LDLRAD2: variants seen among roughly 807,000 people sequenced by gnomAD.
LDLRAD2 encodes the protein low density lipoprotein receptor class A domain containing 2.
A neutral mutation model predicts 24.9 loss-of-function variants in LDLRAD2; 25 were observed. That is an observed-to-expected ratio of 1.00 (90% CI 0.73 to 1.40). The LOEUF is 1.40. Ranked by LOEUF, LDLRAD2 falls within the 40% of genes most tolerant of loss-of-function variation. The pLI, the probability that LDLRAD2 is intolerant of heterozygous loss-of-function variation, is 0.00. For missense variants in LDLRAD2, 391 were observed against 366.2 expected (o/e 1.07, Z -0.55); for synonymous variants, 182 against 166.7 (o/e 1.09, Z -0.71).
Position 21,823,626 on chromosome 1 carries a change from G to A in LDLRAD2, c.*1411G>A, listed in dbSNP as rs199592703. ...GAGCCCCAGACTTACCGATGTAGAC[G>A]CTGCCCTTGGCGTTGACTGCCACGT... is the stretch of plus-strand genomic sequence containing the variant. On this transcript the variant is annotated 3_prime_UTR_variant, in exon 5 of 5. Coordinates refer to ENST00000344642, the MANE Select transcript of LDLRAD2 (RefSeq NM_001013693.3). The A allele has an allele frequency of 6.7e-5, 108 of 1,613,444 alleles. No homozygotes were observed. Among genetic ancestry groups the A allele is most frequent in the Middle Eastern group, 1.6e-4 (1 of 6,084 alleles).
chr1:21,823,568 AG>A lies in LDLRAD2; in HGVS notation c.*1356del, dbSNP rs778048637. 6.2e-7 allele frequency: 1 copy of A among 1,609,768 alleles called. No homozygotes were observed. Among genetic ancestry groups the A allele is most frequent in the East Asian group, 2.2e-5 (1 of 44,854 alleles). On this transcript the variant is annotated 3_prime_UTR_variant, in exon 5 of 5. Transcript: ENST00000344642. ...GAAGGCTGGGCGAGCTCTAGCCCTA[AG>A]GGAGTGCCGTTCCTGCCCCTGCCCT... is the stretch of plus-strand genomic sequence containing the variant.
In LDLRAD2 at chr1:21,816,075, G is replaced by A. The variant is rs1251473466; in HGVS notation, c.643+1G>A. The A allele has an allele frequency of 5.6e-6, 9 of 1,612,580 alleles. No individual in the cohort carries two copies. The highest frequency in any genetic ancestry group is 7.6e-6 in the Non-Finnish European group (9 of 1,179,856). ...TCCTGGTCACCAGCTGACTGCAGAG[G>A]TCAGTGCGGGGTGTGGACTGGGCCC... is the stretch of plus-strand genomic sequence containing the variant. On this transcript the variant is annotated splice_donor_variant, in intron 3 of 4. Transcript: ENST00000344642. LOFTEE classifies it high-confidence loss of function.
rs151237224 is a variant in LDLRAD2, at chr1:21,823,466, C to T, written c.*1251C>T. On this transcript the variant is annotated 3_prime_UTR_variant, in exon 5 of 5. Transcript: ENST00000344642. ...CTGAGGAGAATCTGCCCCCGGTCAG[C>T]GTGGCCACGTCAGGGGCTCCGCCTG... The T allele has an allele frequency of 3.8e-5, 61 of 1,597,670 alleles. No homozygotes were observed. Among genetic ancestry groups the T allele is most frequent in the South Asian group, 3.3e-5 (3 of 90,074 alleles).
In LDLRAD2 at chr1:21,814,660, C is replaced by T; in HGVS notation, c.348C>T (p.Tyr116=). The change falls in exon 2 of 5, where the codon TAC becomes TAT. Residue 116 remains tyrosine (Y), a synonymous_variant. Coordinates refer to ENST00000344642, the MANE Select transcript of LDLRAD2 (RefSeq NM_001013693.3). ...CCCCCGGCTCCTACCTGCAGTTCTACGAGGGCCCGCCGGGGGCGCCCCGGC... is the reference window on the plus strand; with the variant it reads ...CCCCCGGCTCCTACCTGCAGTTCTATGAGGGCCCGCCGGGGGCGCCCCGGC... The part of the protein sequence containing the change: ...PCAPGSYLQF[Y]EGPPGAPRPL... 2 of 1,594,540 alleles carry T rather than the reference C, an allele frequency of 1.3e-6. No individual in the cohort carries two copies. Among genetic ancestry groups the T allele is most frequent in the South Asian group, 1.1e-5 (1 of 89,582 alleles).
chr1:21,813,422 C>A (rs2097940529), intron 1 of LDLRAD2, among the ~76,000 whole-genome samples: 1 of 152,212 alleles, frequency 6.6e-6, no homozygotes. Context: ...GCTCCCACAT[C>A]CTGAGCTCTG....
Position 21,814,507 on chromosome 1 carries a change from G to A in LDLRAD2, c.195G>A (p.Gly65=), listed in dbSNP as rs2097941718. 2 of 1,612,528 alleles carry A rather than the reference G, an allele frequency of 1.2e-6. No homozygotes were observed. The highest frequency in any genetic ancestry group is 1.7e-6 in the Non-Finnish European group (2 of 1,179,752). ...TCGTGGCTCCGGACACCGACTGCGG[G>A]CTCTGGGTGCAGGCGGCAGCCCCCG... ...FYFVAPDTDC[G]LWVQAAAPGD... The change falls in exon 2 of 5, where the codon GGG becomes GGA. Residue 65 remains glycine, a synonymous_variant. Transcript: ENST00000344642.
chr1:21,819,390 A>G (rs1383080400), intron 3 of LDLRAD2, among the ~76,000 whole-genome samples: 1 of 152,002 alleles, frequency 6.6e-6, no homozygotes, highest in Non-Finnish European at 1.5e-5. Context: ...AGTTATTATT[A>G]GTAACTTATT....
At chr1:21,816,687 T>G (rs2097944313) in intron 3 of LDLRAD2, among the ~76,000 whole-genome samples, 1 of 151,978 alleles carries the variant, frequency 6.6e-6, no homozygotes, top group South Asian at 2.1e-4. Context: ...GGGATGGAGG[T>G]AGGGCTGCCA....
intron 3 of LDLRAD2, among the ~76,000 whole-genome samples, chr1:21,817,172 C>T (rs12184330): frequency 0.17 from 25,551 of 152,078 alleles, 2,910 homozygotes; most frequent in East Asian, 0.4. Flanking sequence ...GACTCTGACC[C>T]TTCTCACACC....
rs750846243 is a variant in LDLRAD2, at chr1:21,824,528, C to T, written c.*2313C>T. 2 of 1,613,130 alleles carry T rather than the reference C, an allele frequency of 1.2e-6. No homozygotes were observed. Among genetic ancestry groups the T allele is most frequent in the South Asian group, 2.2e-5 (2 of 91,056 alleles). ...AGCCCCAAGAGCCCAGCCGGATACC[C>T]ACACTCACCACACCCTGCCAGAGCA... is the stretch of plus-strand genomic sequence containing the variant. On this transcript the variant is annotated 3_prime_UTR_variant, in exon 5 of 5. Transcript: ENST00000344642. The surrounding 1 kb of genome is among the most constrained non-coding windows in gnomAD (Gnocchi z 5.9).
chr1:21,816,006 AC>A lies in LDLRAD2; in HGVS notation c.579del (p.Trp194GlyfsTer41). 3.1e-6 allele frequency: 5 copies of A among 1,613,744 alleles called. No individual in the cohort carries two copies. The highest frequency in any genetic ancestry group is 4.2e-6 in the Non-Finnish European group (5 of 1,179,958). On this transcript the variant is annotated frameshift_variant, in exon 3 of 5. Transcript: ENST00000344642. LOFTEE classifies it high-confidence loss of function. Reference sequence around the variant, plus strand: ...TGCATCCCCTCAAGCCTCGTGTGTGACCCCTGGGGCATGGACAACTGTGGCG... The same window carrying A: ...TGCATCCCCTCAAGCCTCGTGTGTGACCCTGGGGCATGGACAACTGTGGCG... ...GRCIPSSLVC[D>X]PWGMDNCGDG...
In LDLRAD2 at chr1:21,823,894, T is replaced by C; in HGVS notation, c.*1679T>C. 2 of 728,606 alleles carry C rather than the reference T, an allele frequency of 2.7e-6. No homozygotes were observed. The highest frequency in any genetic ancestry group is 3.7e-4 in the Middle Eastern group (1 of 2,688). The allele number at this position is 728,606 out of a possible 1,614,324, so 45.1% of individuals were successfully genotyped here. A position where few individuals can be genotyped will look rare whatever the true frequency, so the allele number is the denominator to read the frequency against. On this transcript the variant is annotated 3_prime_UTR_variant, in exon 5 of 5. Coordinates refer to ENST00000344642, the MANE Select transcript of LDLRAD2 (RefSeq NM_001013693.3). Reference sequence around the variant, plus strand: ...ATCGGGCCCCACAAACACAGCTTCCTCATTTCTGCACCCAGGTTTCCTCCC... The same window carrying C: ...ATCGGGCCCCACAAACACAGCTTCCCCATTTCTGCACCCAGGTTTCCTCCC...
At chr1:21,813,807 C>A (rs1326560048) in intron 1 of LDLRAD2, among the ~76,000 whole-genome samples, 19 of 152,108 alleles carry the variant, frequency 1.2e-4, no homozygotes, top group Admixed American at 1.2e-3. Context: ...ATCCCATCCT[C>A]ATCCTCAGTC....
rs2097962168 is a variant in LDLRAD2, at chr1:21,824,292, G to A, written c.*2077G>A. 1 of 1,613,716 alleles carries A rather than the reference G, an allele frequency of 6.2e-7. No individual in the cohort carries two copies. The highest frequency in any genetic ancestry group is 1.7e-5 in the Admixed American group (1 of 60,010). ...CCAGGGAAGGGAGAGGAAGGGCCAG[G>A]TGCCAGGACCTACCTGAAGACAAGG... On this transcript the variant is annotated 3_prime_UTR_variant, in exon 5 of 5. Transcript: ENST00000344642. This position sits in a 1 kb window ranked among gnomAD's most constrained non-coding sequence, Gnocchi z 5.9.
chr1:21,812,432 C>G lies in LDLRAD2; in HGVS notation c.-20C>G. 1 of 1,608,586 alleles carries G rather than the reference C, an allele frequency of 6.2e-7. No homozygotes were observed. Among genetic ancestry groups the G allele is most frequent in the Non-Finnish European group, 8.5e-7 (1 of 1,175,178 alleles). ...AAGATTCTGTGGGTCTGCCCCATTGCTGGGCACAGCAGAGCCTGGATGGAG... is the reference window on the plus strand; with the variant it reads ...AAGATTCTGTGGGTCTGCCCCATTGGTGGGCACAGCAGAGCCTGGATGGAG... On this transcript the variant is annotated 5_prime_UTR_variant, in exon 1 of 5. Transcript: ENST00000344642.
Position 21,823,535 on chromosome 1 carries a change from GA to G in LDLRAD2, c.*1321del. On this transcript the variant is annotated 3_prime_UTR_variant, in exon 5 of 5. Transcript: ENST00000344642. Reference sequence around the variant, plus strand: ...GGGCCTGTGGGCTCCAGCAGCCCAGGAGGCGAGGAAGGCTGGGCGAGCTCTA... The same window carrying G: ...GGGCCTGTGGGCTCCAGCAGCCCAGGGGCGAGGAAGGCTGGGCGAGCTCTA... 1 of 1,608,978 alleles carries G rather than the reference GA, an allele frequency of 6.2e-7. No homozygotes were observed. The highest frequency in any genetic ancestry group is 8.5e-7 in the Non-Finnish European group (1 of 1,178,202).
rs1280094853 is a variant in LDLRAD2 at position 21,822,992 on chromosome 1, G to C, written c.*777G>C. ...AAGGGCTGCAGAAACAGGCCACCCA[G>C]CTCTATCTGGGGGCTCCATCGGTGG... On this transcript the variant is annotated 3_prime_UTR_variant, in exon 5 of 5. Coordinates refer to ENST00000344642, the MANE Select transcript of LDLRAD2 (RefSeq NM_001013693.3). 4.0e-6 allele frequency: 1 copy of C among 250,696 alleles called. No individual in the cohort carries two copies. The highest frequency in any genetic ancestry group is 7.6e-6 in the Non-Finnish European group (1 of 131,490). 15.5% of individuals were successfully genotyped at this position (250,696 alleles called of 1,614,324 possible).
In LDLRAD2 at chr1:21,824,507, C is replaced by T. The variant is rs752718438; in HGVS notation, c.*2292C>T. On this transcript the variant is annotated 3_prime_UTR_variant, in exon 5 of 5. Coordinates refer to ENST00000344642, the MANE Select transcript of LDLRAD2 (RefSeq NM_001013693.3). This position sits in a 1 kb window ranked among gnomAD's most constrained non-coding sequence, Gnocchi z 5.9. Reference sequence around the variant, plus strand: ...AAGCCAGCTTCCTGCCCCAGGAGCCCCAAGAGCCCAGCCGGATACCCACAC... The same window carrying T: ...AAGCCAGCTTCCTGCCCCAGGAGCCTCAAGAGCCCAGCCGGATACCCACAC... 6.2e-7 allele frequency: 1 copy of T among 1,611,798 alleles called. No homozygotes were observed.
intron 1 of LDLRAD2, among the ~76,000 whole-genome samples, chr1:21,814,031 C>T (rs1403295641): frequency 4.6e-5 from 7 of 152,038 alleles, no homozygotes; most frequent in South Asian, 2.1e-4. Flanking sequence ...CCACCATGCC[C>T]GGCTAATTTT....
Sources: allele counts gnomAD v4.1 joint callset (sites outside exome capture counted in the v4.1 genomes callset), GRCh38; gene constraint gnomAD v4.1.1; non-coding constraint Gnocchi (gnomAD v3.1); transcripts MANE v1.5; gene names NCBI Gene and HGNC (gene_info 2026-07-23, HGNC 2026-07-21).